Variants in CDH12 observed in about 807,000 individuals in gnomAD.
The protein encoded by CDH12 is cadherin-12.
In CDH12, 41 loss-of-function variants were observed where a neutral mutation model predicts 74.1. That is an observed-to-expected ratio of 0.55 (90% CI 0.43 to 0.72). CDH12 has a LOEUF of 0.72. CDH12 is among the 30% of genes least tolerant of loss of function. The pLI, the probability that CDH12 is intolerant of heterozygous loss-of-function variation, is 0.00. For synonymous variants in CDH12, 399 were observed against 355.0 expected, an observed-to-expected ratio of 1.12 and a Z score of -1.39; for missense variants, 945 against 977.2, an observed-to-expected ratio of 0.97 and a Z score of 0.44.
chr5:22,284,856 G>GA (rs1737065413), intron 3 of CDH12, among the ~76,000 whole-genome samples: 1 of 142,178 alleles, frequency 7.0e-6, no homozygotes, highest in African/African-American at 2.6e-5. Context: ...TTTAAAAAAT[G>GA]AAAAAAGACC....
At chr5:22,368,298 ATT>A (rs1386332161) in intron 3 of CDH12, among the ~76,000 whole-genome samples, 7 of 151,572 alleles carry the variant, frequency 4.6e-5, no homozygotes, top group Admixed American at 2.0e-4. Flanking sequence ...ATTTTAATTA[ATT>A]TTATGTTATT....
At chr5:22,258,914 C>G (rs1030628738) in intron 3 of CDH12, among the ~76,000 whole-genome samples, 2 of 152,070 alleles carry the variant, frequency 1.3e-5, no homozygotes, top group Admixed American at 6.6e-5. Context: ...TTTCTTAGAA[C>G]GTCTCCTGGA....
chr5:22,771,855 A>G (rs1236645799), intron 1 of CDH12, among the ~76,000 whole-genome samples: 1 of 152,046 alleles, frequency 6.6e-6, no homozygotes, highest in Non-Finnish European at 1.5e-5. Flanking sequence ...TAGACTTTTG[A>G]CCTGCCAACC....
intron 13 of CDH12, among the ~76,000 whole-genome samples, chr5:21,757,448 C>A (rs761498445): frequency 6.6e-6 from 1 of 152,014 alleles, no homozygotes; most frequent in Non-Finnish European, 1.5e-5. Context: ...AGTGAGCCAC[C>A]GCACCCAGCC....
Position 22,287,605 on chromosome 5 carries a change from C to G in CDH12, c.-332-74962G>C, listed in dbSNP as rs1737209038. 1.3e-5 allele frequency among the ~76,000 whole-genome samples: 2 copies of G among 151,394 alleles called. 1 individual carries two copies. The highest frequency in any genetic ancestry group is 4.2e-4 in the South Asian group (2 of 4,818). On this transcript the variant is annotated intron_variant, in intron 3 of 14. Transcript: ENST00000382254. Reference sequence around the variant, plus strand: ...CGGCGCGGTGGCGGGCGCCTGTAGTCCCAGCTATTCGGGAGGCTGAGGCAG... The same window carrying G: ...CGGCGCGGTGGCGGGCGCCTGTAGTGCCAGCTATTCGGGAGGCTGAGGCAG...
intron 5 of CDH12, among the ~76,000 whole-genome samples, chr5:22,001,193 A>G (rs1174563053): frequency 6.6e-6 from 1 of 152,166 alleles, no homozygotes; most frequent in Non-Finnish European, 1.5e-5. Context: ...GAAGCTAGTG[A>G]ACATCTATTT....
chr5:22,370,311 T>C (rs1214780846), intron 3 of CDH12, among the ~76,000 whole-genome samples: 1 of 152,148 alleles, frequency 6.6e-6, no homozygotes, highest in Non-Finnish European at 1.5e-5. Context: ...AAAATTGGCT[T>C]AGGCTATTTA....
intron 1 of CDH12, among the ~76,000 whole-genome samples, chr5:22,657,379 G>A (rs1328926258): frequency 1.3e-5 from 2 of 152,002 alleles, no homozygotes; most frequent in African/African-American, 2.4e-5. Context: ...TAGGATATAT[G>A]CAATTTATTA....
chr5:22,742,493 A>G (rs887670476), intron 1 of CDH12, among the ~76,000 whole-genome samples: 4 of 152,090 alleles, frequency 2.6e-5, no homozygotes, highest in African/African-American at 4.8e-5. Flanking sequence ...TACCTTCAAA[A>G]AATAGTAGAC....
intron 1 of CDH12, among the ~76,000 whole-genome samples, chr5:22,640,302 T>G (rs753178964): frequency 1.3e-5 from 2 of 152,194 alleles, no homozygotes; most frequent in African/African-American, 2.4e-5. Flanking sequence ...AAAATACCTT[T>G]GAAAATAGCA....
chr5:22,293,667 A>T (rs759071242), intron 3 of CDH12, among the ~76,000 whole-genome samples: 33 of 152,314 alleles, frequency 2.2e-4, no homozygotes, highest in African/African-American at 7.5e-4. Flanking sequence ...AGCCATAAAA[A>T]AGAAAAGAAT....
rs572256707 is a variant in CDH12, at chr5:21,994,713, C to A, written c.232-19328G>T. 2.0e-5 allele frequency among the ~76,000 whole-genome samples: 3 copies of A among 152,290 alleles called. No individual in the cohort carries two copies. In the East Asian group the frequency reaches 5.8e-4, roughly 29 times the overall value. On this transcript the variant is annotated intron_variant, in intron 5 of 14. Coordinates refer to ENST00000382254, the MANE Select transcript of CDH12 (RefSeq NM_004061.5). ...AAGTGAAATTGAGAGGTGAAGCCGG[C>A]TGGGCTTCTGGTCTGGTGAGACTTG...
chr5:22,165,515 C>CAT (rs1561181211), intron 4 of CDH12, among the ~76,000 whole-genome samples: 31 of 32,484 alleles, frequency 9.5e-4, no homozygotes, highest in Non-Finnish European at 3.0e-3. Flanking sequence ...CACACACATA[C>CAT]ACACACACAC....
intron 1 of CDH12, among the ~76,000 whole-genome samples, chr5:22,649,498 G>A (rs1249624554): frequency 6.6e-6 from 1 of 152,002 alleles, no homozygotes; most frequent in African/African-American, 2.4e-5. Context: ...GAAGAGGACA[G>A]CAGAAAGAAC....
chr5:22,381,863 G>A (rs1349382711), intron 3 of CDH12, among the ~76,000 whole-genome samples: 3 of 151,018 alleles, frequency 2.0e-5, no homozygotes, highest in African/African-American at 7.3e-5. Context: ...TCTAGATTAG[G>A]GAGGGACATT....
At position 22,048,999 on chromosome 5, in the gene CDH12, C is replaced by T. The variant is rs112842632; in HGVS notation, c.231+29447G>A. 6.0e-3 allele frequency among the ~76,000 whole-genome samples: 911 copies of T among 152,144 alleles called. 7 individuals carry two copies. Among genetic ancestry groups the T allele is most frequent in the Admixed American group, 9.8e-3 (149 of 15,258 alleles). On this transcript the variant is annotated intron_variant, in intron 5 of 14. Transcript: ENST00000382254. ...ATATTTTTATTATTTATGAGTTATACATTATAAAGTATATAATTTATAGTT... is the reference window on the plus strand; with the variant it reads ...ATATTTTTATTATTTATGAGTTATATATTATAAAGTATATAATTTATAGTT...
intron 6 of CDH12, among the ~76,000 whole-genome samples, chr5:21,868,059 C>T (rs889850105): frequency 6.6e-6 from 1 of 152,196 alleles, no homozygotes; most frequent in Non-Finnish European, 1.5e-5. Context: ...TTGGTTCTCA[C>T]TCTTGTCTTG....
At chr5:22,024,728 G>A (rs940970566) in intron 5 of CDH12, among the ~76,000 whole-genome samples, 2 of 151,934 alleles carry the variant, frequency 1.3e-5, no homozygotes, top group Non-Finnish European at 2.9e-5. Context: ...TGGTCAGGTT[G>A]GTCTTGAACT....
chr5:21,944,294 G>A (rs1285034498), intron 6 of CDH12, among the ~76,000 whole-genome samples: 2 of 152,098 alleles, frequency 1.3e-5, no homozygotes, highest in African/African-American at 4.8e-5. Context: ...TGAACCCCGA[G>A]TTTAATCAAT....
Sources: gnomAD v4.1 joint callset for allele counts (sites outside exome capture counted in the v4.1 genomes callset) on GRCh38, gnomAD v4.1.1 for gene constraint, MANE v1.5 for transcripts, NCBI Gene and HGNC (gene_info 2026-07-23, HGNC 2026-07-21) for gene names.